The following DDHD1 variants were observed in gnomAD, a reference collection of about 807,000 sequenced individuals.
DDHD1 encodes the protein DDHD domain containing 1, also known as phospholipase DDHD1.
DDHD1 carries 49 observed loss-of-function variants against 96.4 expected under a neutral mutation model. The observed-to-expected ratio is 0.51, with a 90% CI of 0.40 to 0.64. The LOEUF (loss-of-function observed/expected upper bound fraction) is 0.64. DDHD1 is among the 30% of genes least tolerant of loss of function. DDHD1 has a pLI of 0.00. For synonymous variants in DDHD1, 442 were observed against 446.5 expected, an observed-to-expected ratio of 0.99 and a Z score of 0.13; for missense variants, 1,106 against 1,161.2, an observed-to-expected ratio of 0.95 and a Z score of 0.69.
chr14:53,096,150 C>T, intron 2 of DDHD1: 1 of 985,214 alleles, frequency 1.0e-6, no homozygotes, highest in African/African-American at 1.7e-5. Context: ...CCTGTCGCAT[C>T]TGTACTCTCC....
chr14:53,110,918 G>A (rs1382433301), intron 1 of DDHD1, among the ~76,000 whole-genome samples: 1 of 152,188 alleles, frequency 6.6e-6, no homozygotes, highest in Non-Finnish European at 1.5e-5. Flanking sequence ...GGAGGCTGCA[G>A]TGAGCTGAGA....
At chr14:53,142,205 A>G (rs1890686498) in intron 1 of DDHD1, among the ~76,000 whole-genome samples, 1 of 152,248 alleles carries the variant, frequency 6.6e-6, no homozygotes, top group African/African-American at 2.4e-5. Context: ...ATTTGACAAC[A>G]AAGATCTGTG....
chr14:53,109,377 G>T (rs1426361208), intron 1 of DDHD1, among the ~76,000 whole-genome samples: 1 of 151,996 alleles, frequency 6.6e-6, no homozygotes, highest in Non-Finnish European at 1.5e-5. Flanking sequence ...GTTGCCTGTG[G>T]TTTATTTTAA....
At chr14:53,102,180 C>A (rs183149558) in intron 2 of DDHD1, among the ~76,000 whole-genome samples, 1 of 152,142 alleles carries the variant, frequency 6.6e-6, no homozygotes, top group Admixed American at 6.5e-5. Context: ...GTCTATCCTT[C>A]AAATACTATG....
intron 4 of DDHD1, among the ~76,000 whole-genome samples, chr14:53,084,908 A>G (rs191084204): frequency 3.3e-4 from 51 of 152,314 alleles, no homozygotes; most frequent in African/African-American, 1.2e-3. Flanking sequence ...GGGAAAATCG[A>G]GACACTGCCA....
intron 1 of DDHD1, among the ~76,000 whole-genome samples, chr14:53,107,430 C>G (rs1210285361): frequency 6.6e-6 from 1 of 152,126 alleles, no homozygotes; most frequent in Non-Finnish European, 1.5e-5. Flanking sequence ...TAACTCCCAT[C>G]CTGGGCAGGA....
In DDHD1 at chr14:53,076,827, T is replaced by C. The variant is rs535229123; in HGVS notation, c.1290-2980A>G. 2.4e-3 allele frequency among the ~76,000 whole-genome samples: 371 copies of C among 152,274 alleles called. 1 individual carries two copies. Among genetic ancestry groups the C allele is most frequent in the South Asian group, 5.4e-3 (26 of 4,820 alleles). On this transcript the variant is annotated intron_variant, in intron 4 of 12. Transcript: ENST00000673822. ...GTGAACTCACAGAAGCCTCAGATAA[T>C]TGGTTAGCGACATTTAGCAGTACAG...
intron 1 of DDHD1, among the ~76,000 whole-genome samples, chr14:53,113,636 G>A (rs939623257): frequency 2.6e-5 from 4 of 152,148 alleles, no homozygotes; most frequent in African/African-American, 9.7e-5. Flanking sequence ...GGAAGCGCAA[G>A]GAGCCAGGGG....
chr14:53,152,148 C>G lies in DDHD1; in HGVS notation c.838+113G>C, dbSNP rs1891436493. The G allele has an allele frequency of 2.6e-6, 3 of 1,135,544 alleles. No homozygotes were observed. The African/African-American group carries it at 4.7e-5, about 18-fold the overall frequency. The allele number at this position is 1,135,544 out of a possible 1,614,324, so 70.3% of individuals were successfully genotyped here. ...CAATCTCCATCCTGCCCCAGCCAAA[C>G]GCCAGGCCTCACGCGCCTCCCTCTT... On this transcript the variant is annotated intron_variant, in intron 1 of 12. Transcript: ENST00000673822.
At position 53,041,651 on chromosome 14, in the gene DDHD1, G is replaced by T. The variant is rs1284242593; in HGVS notation, c.*5117C>A. The T allele has an allele frequency of 6.6e-6, 1 of 152,052 alleles. No individual in the cohort carries two copies. The highest frequency in any genetic ancestry group is 1.5e-5 in the Non-Finnish European group (1 of 67,988). The allele number at this position is 152,052 out of a possible 1,614,324, so 9.4% of individuals were successfully genotyped here. On this transcript the variant is annotated 3_prime_UTR_variant, in exon 13 of 13. Transcript: ENST00000673822. ...TAGAAAACTAACAAAATATTTCCTG[G>T]ATATCTTATTTTTTTCTTGATTTTC... is the stretch of plus-strand genomic sequence containing the variant.
chr14:53,152,116 C>A, intron 1 of DDHD1, 145 bp downstream of exon 1: 25 of 806,568 alleles, frequency 3.1e-5, no homozygotes, highest in Admixed American at 7.1e-5. Context: ...TGCCGACGCT[C>A]CCTGCTCAAT....
intron 1 of DDHD1, among the ~76,000 whole-genome samples, chr14:53,109,997 G>GA (rs1887989008): frequency 6.6e-6 from 1 of 152,012 alleles, no homozygotes; most frequent in Admixed American, 6.6e-5. Context: ...TAGCTTCCTG[G>GA]AAAAAAATTG....
intron 4 of DDHD1, among the ~76,000 whole-genome samples, chr14:53,077,140 T>C (rs1885032047): frequency 6.6e-6 from 1 of 151,778 alleles, no homozygotes; most frequent in Non-Finnish European, 1.5e-5. Context: ...CCGTTTCCTA[T>C]AATTTGGTAG....
At chr14:53,132,752 T>G (rs1201704667) in intron 1 of DDHD1, among the ~76,000 whole-genome samples, 1 of 152,178 alleles carries the variant, frequency 6.6e-6, no homozygotes, top group East Asian at 1.9e-4. Context: ...CAAAGGCCAC[T>G]TTACTTCAAA....
At chr14:53,143,498 T>G (rs1890778857) in intron 1 of DDHD1, among the ~76,000 whole-genome samples, 1 of 152,178 alleles carries the variant, frequency 6.6e-6, no homozygotes, top group Non-Finnish European at 1.5e-5. Context: ...ACAGGGTCAT[T>G]TATAATCTGA....
intron 1 of DDHD1, among the ~76,000 whole-genome samples, chr14:53,124,636 G>A (rs375469165): frequency 3.9e-5 from 6 of 152,220 alleles, no homozygotes; most frequent in Non-Finnish European, 5.9e-5. Context: ...AAAGAATTCC[G>A]GACAATGTAA....
At chr14:53,090,033 G>C (rs1442118392) in intron 4 of DDHD1, among the ~76,000 whole-genome samples, 1 of 151,956 alleles carries the variant, frequency 6.6e-6, no homozygotes, top group East Asian at 1.9e-4. Flanking sequence ...ACAAGAAAAA[G>C]TCAAAGAACC....
chr14:53,103,592 G>T, intron 2 of DDHD1, 91 bp downstream of exon 2: 2 of 1,082,740 alleles, frequency 1.8e-6, no homozygotes, highest in Non-Finnish European at 2.5e-6. Context: ...TAAACCTCCT[G>T]AATTATTATG....
At chr14:53,083,127 G>T (rs1302665711) in intron 4 of DDHD1, among the ~76,000 whole-genome samples, 1 of 150,844 alleles carries the variant, frequency 6.6e-6, no homozygotes, top group Admixed American at 6.7e-5. Flanking sequence ...AAGTTTCGTT[G>T]ATATTCTTGT....
Sources: gnomAD v4.1 joint callset for allele counts (sites outside exome capture counted in the v4.1 genomes callset) on GRCh38, gnomAD v4.1.1 for gene constraint, MANE v1.5 for transcripts, NCBI Gene and HGNC (gene_info 2026-07-23, HGNC 2026-07-21) for gene names.